The following APLF variants were observed in gnomAD, a reference collection of about 807,000 sequenced individuals.
APLF encodes the protein aprataxin and PNKP like factor, also known as aprataxin and PNK-like factor.
Under a neutral mutation model 55.6 loss-of-function variants are expected in APLF, and 61 were observed. That is an observed-to-expected ratio of 1.10 (90% CI 0.89 to 1.36). APLF has a LOEUF of 1.36. Among genes scored for constraint, APLF ranks in the 40% most tolerant of loss-of-function variants. The pLI, the probability that APLF is intolerant of heterozygous loss-of-function variation, is 0.00. For missense variants in APLF, 611 were observed against 602.5 expected (o/e 1.01, Z -0.15); for synonymous variants, 207 against 214.8 (o/e 0.96, Z 0.32).
intron 8 of APLF, chr2:68,563,216 CAAAG>C (rs1379765604): frequency 1.0e-6 from 1 of 985,092 alleles, no homozygotes; most frequent in East Asian, 1.1e-4. Flanking sequence ...GGAAGATTCT[CAAAG>C]AAACAACTTT....
intron 9 of APLF, among the ~76,000 whole-genome samples, chr2:68,574,562 T>C (rs917567626): frequency 1.3e-5 from 2 of 152,242 alleles, no homozygotes; most frequent in East Asian, 1.9e-4. Flanking sequence ...TACATTTGGC[T>C]ACTAGCCACG....
At position 68,545,287 on chromosome 2, in the gene APLF, T is replaced by C. The variant is rs1163298143; in HGVS notation, c.1261T>C (p.Cys421Arg). 9.9e-6 allele frequency: 16 copies of C among 1,613,882 alleles called. No individual in the cohort carries two copies. The East Asian group carries it at 3.3e-4, about 34-fold the overall frequency. Residue 421 changes from cysteine to arginine, a missense_variant, in exon 8 of 10, where the codon TGT becomes CGT. Cys to Arg is a radical substitution (Grantham distance 180). Transcript: ENST00000303795. ...AGATGAGACTGATGACCGGCCTGAA[T>C]GTCCCTATGGACCATCCTGTTATAG... is the stretch of plus-strand genomic sequence containing the variant. ...GQDETDDRPE[C>R]PYGPSCYRKN...
At chr2:68,501,596 T>A (rs1372506370) in intron 2 of APLF, among the ~76,000 whole-genome samples, 1 of 152,096 alleles carries the variant, frequency 6.6e-6, no homozygotes, top group Non-Finnish European at 1.5e-5. Flanking sequence ...TCATAATAGG[T>A]CCTTTTTGTT....
At chr2:68,543,266 A>G (rs1479114577) in intron 7 of APLF, among the ~76,000 whole-genome samples, 2 of 152,164 alleles carry the variant, frequency 1.3e-5, no homozygotes, top group African/African-American at 2.4e-5. Flanking sequence ...TTGCACAACA[A>G]TGTGAATATA....
chr2:68,469,144 T>A (rs893980842), intron 1 of APLF, among the ~76,000 whole-genome samples: 3 of 152,208 alleles, frequency 2.0e-5, no homozygotes, highest in Non-Finnish European at 4.4e-5. Context: ...ACATCATTTC[T>A]ATTTTTTTCA....
At chr2:68,545,106 T>C in intron 7 of APLF, 81 bp from the exon 8 acceptor site, 1 of 1,500,748 alleles carries the variant, frequency 6.7e-7, no homozygotes, top group Non-Finnish European at 9.1e-7. Flanking sequence ...AGATGTGGAT[T>C]GTCTGGTTTC....
rs1202122067 is a variant in APLF at position 68,505,949 on chromosome 2, A to C, written c.341+3046A>C. On this transcript the variant is annotated intron_variant, in intron 3 of 9. Coordinates refer to ENST00000303795, the MANE Select transcript of APLF (RefSeq NM_173545.3). ...CCTCTAATCATGATTGGTTTTCCTA[A>C]CAACCAGCCCTTCATCTTTAGAGGC... Among the ~76,000 whole-genome samples the C allele has an allele frequency of 2.6e-5, 4 of 151,886 alleles. No homozygotes were observed. In the East Asian group the frequency reaches 7.8e-4, roughly 29 times the overall value.
chr2:68,469,157 G>C (rs561942133), intron 1 of APLF, among the ~76,000 whole-genome samples: 1 of 151,844 alleles, frequency 6.6e-6, no homozygotes, highest in African/African-American at 2.4e-5. Context: ...TTTTTTCATC[G>C]TTTGTTGGCC....
In APLF at chr2:68,513,540, C is replaced by A. The variant is rs760408066; in HGVS notation, c.490-8C>A. The stretch of plus-strand genomic sequence containing the variant: ...ATTATTTTTAGTAATTTATAGGTGT[C>A]TTTTTAGTCTTTCCTAGGTGAAAAT... On this transcript the variant is annotated splice_region_variant and splice_polypyrimidine_tract_variant and intron_variant, in intron 4 of 9. Transcript: ENST00000303795. 34 of 1,608,552 alleles carry A rather than the reference C, an allele frequency of 2.1e-5. No individual in the cohort carries two copies. The highest frequency in any genetic ancestry group is 2.9e-5 in the Non-Finnish European group (34 of 1,177,266).
intron 1 of APLF, among the ~76,000 whole-genome samples, chr2:68,469,594 T>TC (rs1675555358): frequency 6.6e-6 from 1 of 152,238 alleles, no homozygotes; most frequent in African/African-American, 2.4e-5. Context: ...AATGACATCC[T>TC]AAGTGTGTTA....
chr2:68,509,098 G>T (rs1178199594), intron 3 of APLF, among the ~76,000 whole-genome samples: 2 of 152,000 alleles, frequency 1.3e-5, no homozygotes, highest in Non-Finnish European at 2.9e-5. Flanking sequence ...TTAAATGTTA[G>T]ACCTAAAACC....
At chr2:68,491,945 A>G (rs1010318147) in intron 2 of APLF, among the ~76,000 whole-genome samples, 1 of 152,240 alleles carries the variant, frequency 6.6e-6, no homozygotes, top group Non-Finnish European at 1.5e-5. Flanking sequence ...AACCCTTCTT[A>G]TAACAAAATT....
chr2:68,537,218 A>G (rs1670417204), intron 6 of APLF, among the ~76,000 whole-genome samples: 1 of 152,026 alleles, frequency 6.6e-6, no homozygotes, highest in African/African-American at 2.4e-5. Flanking sequence ...AACATGACTC[A>G]TTGTTGAACA....
chr2:68,501,759 A>G (rs1248480744), intron 2 of APLF, among the ~76,000 whole-genome samples: 1 of 152,182 alleles, frequency 6.6e-6, no homozygotes, highest in Non-Finnish European at 1.5e-5. Flanking sequence ...CATTTAAACA[A>G]ATAAGACAAT....
At chr2:68,482,451 C>T (rs1675991130) in intron 1 of APLF, among the ~76,000 whole-genome samples, 2 of 152,200 alleles carry the variant, frequency 1.3e-5, no homozygotes, top group Non-Finnish European at 2.9e-5. Context: ...ATGGGCTCGC[C>T]AGGCTGGTTG....
chr2:68,545,443 T>G (rs2104018311), intron 8 of APLF, 131 bp downstream of exon 8: 1 of 1,173,302 alleles, frequency 8.5e-7, no homozygotes, highest in Admixed American at 2.6e-5. Context: ...GATTACAGGT[T>G]TTCATGTTGG....
In APLF at chr2:68,538,196, A is replaced by G. The variant is rs1231828434; in HGVS notation, c.1129A>G (p.Thr377Ala). 6.2e-7 allele frequency: 1 copy of G among 1,610,048 alleles called. No homozygotes were observed. The highest frequency in any genetic ancestry group is 8.5e-7 in the Non-Finnish European group (1 of 1,178,784). The change falls in exon 7 of 10, where the codon ACA becomes GCA. Residue 377 changes from threonine (T) to alanine (A), a missense_variant. Physicochemically the swap from Thr to Ala is moderately conservative, Grantham distance 58 (BLOSUM62 0). Coordinates refer to ENST00000303795, the MANE Select transcript of APLF (RefSeq NM_173545.3). Reference protein sequence around the residue: ...QGSEGNKVKRTSCMYGANCYR... With the variant: ...QGSEGNKVKRASCMYGANCYR... ...TTCTGAAGGAAACAAGGTCAAGAGG[A>G]CATCCTGCATGTATGGGGCAAACTG...
chr2:68,508,991 A>G (rs1676959904), intron 3 of APLF, among the ~76,000 whole-genome samples: 1 of 152,108 alleles, frequency 6.6e-6, no homozygotes, highest in African/African-American at 2.4e-5. Context: ...TATTTAATAA[A>G]TGGTGCTGGG....
intron 8 of APLF, among the ~76,000 whole-genome samples, chr2:68,562,369 T>C (rs1315741763): frequency 6.6e-6 from 1 of 151,956 alleles, no homozygotes; most frequent in Admixed American, 6.6e-5. Flanking sequence ...CTGTGAAAAA[T>C]GTAATTGAAA....
Sources: allele counts gnomAD v4.1 joint callset (sites outside exome capture counted in the v4.1 genomes callset), GRCh38; gene constraint gnomAD v4.1.1; transcripts MANE v1.5; gene names NCBI Gene and HGNC (gene_info 2026-07-23, HGNC 2026-07-21).